CCN4: variants seen among roughly 807,000 people sequenced by gnomAD.
CCN4 encodes the protein cellular communication network factor 4, also known as CCN family member 4.
CCN4 carries 30 observed loss-of-function variants against 36.7 expected under a neutral mutation model. That is an observed-to-expected ratio of 0.82 (90% CI 0.61 to 1.11). CCN4 has a LOEUF of 1.11. Among genes scored for constraint, CCN4 ranks in the 50% least tolerant of loss-of-function variants. CCN4 has a pLI of 0.00. For missense variants in CCN4, 505 were observed against 504.9 expected, an observed-to-expected ratio of 1.00 and a Z score of 0.00; for synonymous variants, 191 against 195.4, an observed-to-expected ratio of 0.98 and a Z score of 0.19.
At chr8:133,226,392 A>C (rs1454898338) in intron 4 of CCN4, among the ~76,000 whole-genome samples, 8 of 152,292 alleles carry the variant, frequency 5.3e-5, no homozygotes, top group African/African-American at 1.9e-4. Context: ...ATCACTCCTC[A>C]TCCCCTAGAC....
chr8:133,227,643 G>A lies in CCN4; in HGVS notation c.1037G>A (p.Cys346Tyr). Residue 346 changes from cysteine (C) to tyrosine (Y), a missense_variant, in exon 5 of 5, where the codon TGT (cysteine) becomes TAT (tyrosine). Coordinates refer to ENST00000250160, the MANE Select transcript of CCN4 (RefSeq NM_003882.4). ...AATGCCTGCTTCTGTAACCTGAGCT[G>A]TAGGAATCCCAATGACATCTTTGCT... ...WINACFCNLS[C>Y]RNPNDIFADL... is the part of the protein sequence containing the mutation. The A allele has an allele frequency of 1.2e-6, 2 of 1,614,190 alleles. No homozygotes were observed. Among genetic ancestry groups the A allele is most frequent in the Non-Finnish European group, 8.5e-7 (1 of 1,180,024 alleles).
At chr8:133,224,761 C>T (rs1854665373) in intron 3 of CCN4, among the ~76,000 whole-genome samples, 2 of 151,974 alleles carry the variant, frequency 1.3e-5, no homozygotes, top group South Asian at 2.1e-4. Flanking sequence ...ATGGTGAAAC[C>T]TCATCTCTAC....
intron 1 of CCN4, among the ~76,000 whole-genome samples, chr8:133,195,618 C>CACG (rs1383069564): frequency 6.6e-6 from 1 of 152,092 alleles, no homozygotes; most frequent in Non-Finnish European, 1.5e-5. Context: ...TGGAGGCTGG[C>CACG]ACGAGGACGG....
chr8:133,196,261 C>T (rs1466510952), intron 1 of CCN4, among the ~76,000 whole-genome samples: 1 of 152,168 alleles, frequency 6.6e-6, no homozygotes, highest in Non-Finnish European at 1.5e-5. Flanking sequence ...GGCAGGAGGC[C>T]ACTCAGCACT....
intron 1 of CCN4, among the ~76,000 whole-genome samples, chr8:133,195,716 C>A (rs895189904): frequency 1.3e-5 from 2 of 152,190 alleles, no homozygotes; most frequent in Non-Finnish European, 2.9e-5. Flanking sequence ...CCTTGAGAGA[C>A]AAAACGCTAC....
chr8:133,209,969 C>T (rs139464422), intron 1 of CCN4, among the ~76,000 whole-genome samples: 55 of 152,314 alleles, frequency 3.6e-4, no homozygotes, highest in African/African-American at 1.3e-3. Flanking sequence ...GAACGTACGT[C>T]GGACTGTCTC....
chr8:133,209,071 T>C (rs1422963416), intron 1 of CCN4, among the ~76,000 whole-genome samples: 1 of 152,188 alleles, frequency 6.6e-6, no homozygotes, highest in Non-Finnish European at 1.5e-5. Flanking sequence ...CTGTGCATAG[T>C]AGGGATTCAA....
intron 2 of CCN4, among the ~76,000 whole-genome samples, chr8:133,215,874 T>A (rs1854301998): frequency 6.6e-6 from 1 of 152,170 alleles, no homozygotes; most frequent in African/African-American, 2.4e-5. Flanking sequence ...AATTTTCATG[T>A]CCATTGCCAA....
intron 1 of CCN4, among the ~76,000 whole-genome samples, chr8:133,209,680 T>C (rs78063944): frequency 0.015 from 2,307 of 152,316 alleles, 70 homozygotes; most frequent in African/African-American, 0.052. Flanking sequence ...CCCACCCGGT[T>C]CCAACCCATT....
At chr8:133,209,377 G>C (rs1329142929) in intron 1 of CCN4, among the ~76,000 whole-genome samples, 1 of 152,172 alleles carries the variant, frequency 6.6e-6, no homozygotes, top group Non-Finnish European at 1.5e-5. Context: ...GGGTCCAGAG[G>C]GTTTTCCCCT....
rs1854806470 is a variant in CCN4 at position 133,227,924 on chromosome 8, G to T, written c.*214G>T. 1.8e-6 allele frequency: 1 copy of T among 569,982 alleles called. No homozygotes were observed. The highest frequency in any genetic ancestry group is 1.9e-5 in the African/African-American group (1 of 53,310). The allele number at this position is 569,982 out of a possible 1,614,324, so 35.3% of individuals were successfully genotyped here. A position where few individuals can be genotyped will look rare whatever the true frequency, so the allele number is the denominator to read the frequency against. ...GATATCATTCAGCATCTACTCTAAA[G>T]AAAAATGCCTGTCTCTAGCTGTTCT... On this transcript the variant is annotated 3_prime_UTR_variant, in exon 5 of 5. Transcript: ENST00000250160.
In CCN4 at chr8:133,220,913, C is replaced by T. The variant is rs954334043; in HGVS notation, c.610+72C>T. 1.1e-5 allele frequency: 16 copies of T among 1,518,256 alleles called. No individual in the cohort carries two copies. In the African/African-American group the frequency reaches 1.5e-4, roughly 14 times the overall value. 94.0% of individuals were successfully genotyped at this position (1,518,256 alleles called of 1,614,324 possible). On this transcript the variant is annotated intron_variant, in intron 3 of 4. Transcript: ENST00000250160. Reference sequence around the variant, plus strand: ...TTGTGGACCCTCCTGGAACTCTGACCACCATAGAATGACTCATTCCCCAGT... The same window carrying T: ...TTGTGGACCCTCCTGGAACTCTGACTACCATAGAATGACTCATTCCCCAGT...
At chr8:133,191,637 G>C (rs570640075) in intron 1 of CCN4, among the ~76,000 whole-genome samples, 1 of 152,270 alleles carries the variant, frequency 6.6e-6, no homozygotes, top group African/African-American at 2.4e-5. Flanking sequence ...CTCTGAGTTT[G>C]AAAACTCCAA....
chr8:133,197,476 T>C (rs960128063), intron 1 of CCN4, among the ~76,000 whole-genome samples: 2 of 152,126 alleles, frequency 1.3e-5, no homozygotes, highest in Admixed American at 6.5e-5. Context: ...ATGATTCTTA[T>C]GTATACTTGA....
In CCN4 at chr8:133,222,800, G is replaced by GT. The variant is rs201030002; in HGVS notation, c.610+1966dup. Among the ~76,000 whole-genome samples the GT allele has an allele frequency of 6.7e-4, 101 of 150,528 alleles. 1 individual carries two copies. Among genetic ancestry groups the GT allele is most frequent in the African/African-American group, 2.0e-3 (80 of 40,762 alleles). ...AGTGGGAGTTCTAAGAGTATTGGTA[G>GT]TTTTTTTAAAAAAAATTATATATGC... On this transcript the variant is annotated intron_variant, in intron 3 of 4. Coordinates refer to ENST00000250160, the MANE Select transcript of CCN4 (RefSeq NM_003882.4).
In CCN4 at chr8:133,220,647, A is replaced by T; in HGVS notation, c.416A>T (p.Asn139Ile). ...RYNNGQSFQP[N>I]CKYNCTCIDG... The stretch of plus-strand genomic sequence containing the variant: ...AACAACGGCCAGTCCTTCCAGCCTA[A>T]CTGCAAGTACAACTGCACGTGCATC... Residue 139 changes from asparagine (N) to isoleucine (I), a missense_variant, in exon 3 of 5, where the codon AAC becomes ATC. Transcript: ENST00000250160. The T allele has an allele frequency of 1.2e-6, 2 of 1,614,178 alleles. No homozygotes were observed. Among genetic ancestry groups the T allele is most frequent in the Non-Finnish European group, 8.5e-7 (1 of 1,180,002 alleles).
chr8:133,227,662 C>G lies in CCN4; in HGVS notation c.1056C>G (p.Ile352Met), dbSNP rs146812236. 2 of 1,614,072 alleles carry G rather than the reference C, an allele frequency of 1.2e-6. No individual in the cohort carries two copies. Among genetic ancestry groups the G allele is most frequent in the African/African-American group, 2.7e-5 (2 of 74,944 alleles). The change falls in exon 5 of 5, where the codon ATC becomes ATG. Residue 352 changes from isoleucine (I) to methionine (M), a missense_variant. Coordinates refer to ENST00000250160, the MANE Select transcript of CCN4 (RefSeq NM_003882.4). ...CNLSCRNPNDIFADLESYPDF... is the reference protein window; with the variant it reads ...CNLSCRNPNDMFADLESYPDF... ...TGAGCTGTAGGAATCCCAATGACAT[C>G]TTTGCTGACTTGGAATCCTACCCTG... is the stretch of plus-strand genomic sequence containing the variant.
At chr8:133,200,179 T>G (rs895377351) in intron 1 of CCN4, among the ~76,000 whole-genome samples, 6 of 152,170 alleles carry the variant, frequency 3.9e-5, no homozygotes, top group Non-Finnish European at 7.4e-5. Flanking sequence ...TCCCCTGCTT[T>G]ATTTCCCTGA....
intron 1 of CCN4, among the ~76,000 whole-genome samples, chr8:133,201,451 T>C (rs1227751772): frequency 6.6e-6 from 1 of 152,156 alleles, no homozygotes; most frequent in East Asian, 1.9e-4. Context: ...TGCATGGGGG[T>C]TACATTTTTC....
Sources: gnomAD v4.1 joint callset for allele counts (sites outside exome capture counted in the v4.1 genomes callset) on GRCh38, gnomAD v4.1.1 for gene constraint, MANE v1.5 for transcripts, NCBI Gene and HGNC (gene_info 2026-07-23, HGNC 2026-07-21) for gene names.